PTK2: variants seen among roughly 807,000 people sequenced by gnomAD.
PTK2 encodes protein tyrosine kinase 2.
A neutral mutation model predicts 150.1 loss-of-function variants in PTK2; 45 were observed. That is an observed-to-expected ratio of 0.30 (90% CI 0.24 to 0.38). The LOEUF is 0.38. Among genes scored for constraint, PTK2 ranks in the 10% least tolerant of loss-of-function variants. The probability of loss-of-function intolerance (pLI) is 1.00; values close to 1 mark genes in which losing one functional copy is unlikely to be tolerated. For synonymous variants in PTK2, 432 were observed against 449.2 expected, an observed-to-expected ratio of 0.96 and a Z score of 0.48; for missense variants, 919 against 1,307.3, an observed-to-expected ratio of 0.70 and a Z score of 4.58.
rs2100068401 is a variant in PTK2 at position 140,759,911 on chromosome 8, A to G, written c.1332+1254T>C. On this transcript the variant is annotated intron_variant, in intron 16 of 31. Transcript: ENST00000522684. ...ATGAAGCAATTCCACTAATAGGCAT[A>G]TACAAAAGAGAACTAAAAACATAAA... is the stretch of plus-strand genomic sequence containing the variant. Among the ~76,000 whole-genome samples the G allele has an allele frequency of 2.0e-5, 3 of 151,780 alleles. No individual in the cohort carries two copies. The South Asian group carries it at 6.3e-4, about 32-fold the overall frequency.
chr8:140,672,312 G>T (rs1186447963), intron 29 of PTK2, among the ~76,000 whole-genome samples: 1 of 152,120 alleles, frequency 6.6e-6, no homozygotes, highest in Non-Finnish European at 1.5e-5. Context: ...TATAGTCATA[G>T]AGGTGCGCCA....
In PTK2 at chr8:140,787,732, C is replaced by T. The variant is rs140215973; in HGVS notation, c.1177+1742G>A. Among the ~76,000 whole-genome samples the T allele has an allele frequency of 6.8e-4, 104 of 152,298 alleles. 1 individual carries two copies. The highest frequency in any genetic ancestry group is 2.1e-4 in the South Asian group (1 of 4,834). Reference sequence around the variant, plus strand: ...CCTTATTAACATAATGGGACATTTCCCTTCTCTCTTGATCAAGCCTGGGGA... The same window carrying T: ...CCTTATTAACATAATGGGACATTTCTCTTCTCTCTTGATCAAGCCTGGGGA... On this transcript the variant is annotated intron_variant, in intron 14 of 31. Coordinates refer to ENST00000522684, the Ensembl canonical transcript of PTK2.
chr8:140,658,483 A>G (rs2152197604), exon 32 of PTK2: 1 of 189,358 alleles, frequency 5.3e-6, no homozygotes, highest in East Asian at 8.5e-5. Context: ...ATATCCCCCA[A>G]CAAACTAAAG....
chr8:140,752,459 G>A (rs6578132), intron 16 of PTK2, 143 bp from the exon 20 acceptor site: 335,805 of 644,914 alleles, frequency 0.52, 93,024 homozygotes, highest in African/African-American at 0.79. Context: ...GAATGAGAGG[G>A]ATACTTAAAA....
At chr8:140,784,648 ACCTGACTTTCAGATATGTTC>A (rs1160994382) in intron 14 of PTK2, among the ~76,000 whole-genome samples, 1 of 152,118 alleles carries the variant, frequency 6.6e-6, no homozygotes, top group Non-Finnish European at 1.5e-5. Flanking sequence ...AGACTGCAGC[ACCTGACTTTCAGATATGTTC>A]CAAGTTGTAC....
At position 140,977,981 on chromosome 8, in the gene PTK2, C is replaced by T. The variant is rs2100189928; in HGVS notation, c.-122+23144G>A. ...ATATCTACAACTATCTGATCTTTGA[C>T]AAATCTGACAAAAACAAGAAATGGG... On this transcript the variant is annotated intron_variant, in intron 1 of 31. Coordinates refer to ENST00000522684, the Ensembl canonical transcript of PTK2. Among the ~76,000 whole-genome samples the T allele has an allele frequency of 2.0e-5, 3 of 152,076 alleles. No homozygotes were observed. In the South Asian group the frequency reaches 6.2e-4, roughly 32 times the overall value.
chr8:140,914,738 AAAGT>A (rs2100164504), intron 2 of PTK2, among the ~76,000 whole-genome samples: 4 of 152,244 alleles, frequency 2.6e-5, no homozygotes, highest in African/African-American at 9.6e-5. Flanking sequence ...TTATCCGTTT[AAAGT>A]AAGAGTCTAC....
At chr8:140,678,229 G>T (rs2100014986) in intron 27 of PTK2, among the ~76,000 whole-genome samples, 1 of 151,976 alleles carries the variant, frequency 6.6e-6, no homozygotes, top group Non-Finnish European at 1.5e-5. Context: ...TGTATTTTTG[G>T]TAAAAACGGG....
At chr8:140,953,500 G>A (rs1184667765) in intron 1 of PTK2, among the ~76,000 whole-genome samples, 1 of 152,182 alleles carries the variant, frequency 6.6e-6, no homozygotes, top group Admixed American at 6.5e-5. Context: ...CAGTGTGGTG[G>A]ATATGCTGGA....
intron 2 of PTK2, among the ~76,000 whole-genome samples, chr8:140,914,982 G>A (rs560245837): frequency 2.2e-5 from 3 of 136,338 alleles, no homozygotes; most frequent in South Asian, 4.5e-4. Flanking sequence ...GCGGTGAGCC[G>A]AGATCACGCC....
intron 2 of PTK2, among the ~76,000 whole-genome samples, chr8:140,906,503 C>T (rs1348196557): frequency 6.6e-6 from 1 of 152,138 alleles, no homozygotes; most frequent in Non-Finnish European, 1.5e-5. Context: ...GAAATCTTGT[C>T]AGCTGCAGCA....
rs75588107 is a variant in PTK2 at position 140,998,258 on chromosome 8, T to C, written c.-122+2867A>G. On this transcript the variant is annotated intron_variant, in intron 1 of 31. Coordinates refer to ENST00000522684, the Ensembl canonical transcript of PTK2. Reference sequence around the variant, plus strand: ...AACTGAAAATGTTAAATTTCAAAACTGAAACTTTATAAACACTTTGAAATG... The same window carrying C: ...AACTGAAAATGTTAAATTTCAAAACCGAAACTTTATAAACACTTTGAAATG... Among the ~76,000 whole-genome samples the C allele has an allele frequency of 6.3e-3, 963 of 152,306 alleles. 15 individuals are homozygous for C. Among genetic ancestry groups the C allele is most frequent in the African/African-American group, 0.02 (827 of 41,572 alleles).
intron 3 of PTK2, among the ~76,000 whole-genome samples, chr8:140,886,358 T>C (rs928385510): frequency 6.6e-6 from 1 of 152,098 alleles, no homozygotes; most frequent in African/African-American, 2.4e-5. Context: ...TATGAAATGG[T>C]TGTCTAGGAG....
At chr8:140,682,227 C>A (rs970850041) in intron 27 of PTK2, among the ~76,000 whole-genome samples, 1 of 151,990 alleles carries the variant, frequency 6.6e-6, no homozygotes, top group Non-Finnish European at 1.5e-5. Flanking sequence ...ACTAAAAATT[C>A]AAAAATTAGA....
intron 10 of PTK2, among the ~76,000 whole-genome samples, chr8:140,807,299 T>C (rs747548519): frequency 1.4e-4 from 21 of 152,012 alleles, no homozygotes; most frequent in Non-Finnish European, 3.1e-4. Context: ...AGGGAGGAAA[T>C]AAAGCCTCAG....
At chr8:140,914,895 T>C (rs2100164601) in intron 2 of PTK2, among the ~76,000 whole-genome samples, 1 of 151,678 alleles carries the variant, frequency 6.6e-6, no homozygotes, top group Admixed American at 6.6e-5. Context: ...TAGCCGGGCA[T>C]AGTGGTGCAT....
At chr8:140,809,118 G>C (rs1479601670) in intron 10 of PTK2, among the ~76,000 whole-genome samples, 1 of 152,100 alleles carries the variant, frequency 6.6e-6, no homozygotes, top group Non-Finnish European at 1.5e-5. Context: ...ATTAAAAGTT[G>C]TGCAAGAAGA....
rs183928672 is a variant in PTK2 at position 140,988,366 on chromosome 8, T to C, written c.-122+12759A>G. 2.4e-4 allele frequency among the ~76,000 whole-genome samples: 36 copies of C among 152,252 alleles called. 2 individuals are homozygous for C. Among genetic ancestry groups the C allele is most frequent in the African/African-American group, 8.4e-4 (35 of 41,548 alleles). ...GGTTCCACAATGAGATAAGACTTAT[T>C]ATAAAGCTATAATAACTTAGACAGC... On this transcript the variant is annotated intron_variant, in intron 1 of 31. Coordinates refer to ENST00000522684, the Ensembl canonical transcript of PTK2.
At chr8:140,924,327 A>T (rs1409510246) in intron 2 of PTK2, among the ~76,000 whole-genome samples, 1 of 152,064 alleles carries the variant, frequency 6.6e-6, no homozygotes, top group African/African-American at 2.4e-5. Context: ...TCCCTGCTTC[A>T]TTTTATTCCC....
Sources: gnomAD v4.1 joint callset for allele counts (sites outside exome capture counted in the v4.1 genomes callset) on GRCh38, gnomAD v4.1.1 for gene constraint, MANE v1.5 for transcripts, NCBI Gene and HGNC (gene_info 2026-07-23, HGNC 2026-07-21) for gene names.